The following RIPOR2 variants were observed in gnomAD, a reference collection of about 807,000 sequenced individuals.
RIPOR2 encodes rho family-interacting cell polarization regulator 2.
RIPOR2 carries 39 observed loss-of-function variants against 114.5 expected under a neutral mutation model. The ratio of observed to expected loss-of-function variants is 0.34; its 90% confidence interval spans 0.26 to 0.44. RIPOR2 has a LOEUF of 0.44. RIPOR2 is among the 20% of genes least tolerant of loss of function. The pLI is 1.00. For missense variants in RIPOR2, 1,007 were observed against 1,255.1 expected (o/e 0.80, Z 2.99); for synonymous variants, 445 against 484.4 (o/e 0.92, Z 1.07).
At chr6:24,879,525 C>T (rs1766150138) in intron 1 of RIPOR2, among the ~76,000 whole-genome samples, 1 of 152,184 alleles carries the variant, frequency 6.6e-6, no homozygotes, top group Admixed American at 6.5e-5. Context: ...ATCTTGCCAT[C>T]ATTTCCCCTA....
chr6:24,901,745 A>C (rs1768461526), intron 1 of RIPOR2, among the ~76,000 whole-genome samples: 1 of 152,174 alleles, frequency 6.6e-6, no homozygotes, highest in Non-Finnish European at 1.5e-5. Context: ...CCTCCAGAGA[A>C]ACACAGTTTT....
At chr6:25,033,335 C>T (rs1777089176) in intron 1 of RIPOR2, among the ~76,000 whole-genome samples, 1 of 152,168 alleles carries the variant, frequency 6.6e-6, no homozygotes, top group Non-Finnish European at 1.5e-5. Context: ...CCAGTTTTGC[C>T]AGTAGAAGCC....
chr6:24,922,778 T>C (rs113771442), intron 1 of RIPOR2, among the ~76,000 whole-genome samples: 3,362 of 149,464 alleles, frequency 0.022, 71 homozygotes, highest in African/African-American at 0.054. Flanking sequence ...CAAGAATTGC[T>C]TGAACCAGGG....
chr6:24,807,700 T>C (rs2113615199), intron 21 of RIPOR2, among the ~76,000 whole-genome samples: 1 of 152,254 alleles, frequency 6.6e-6, no homozygotes, highest in South Asian at 2.1e-4. Flanking sequence ...TACTGGACAG[T>C]GCGCATATAG....
At position 24,992,349 on chromosome 6, in the gene RIPOR2, A is replaced by T. The variant is rs12529610; in HGVS notation, c.76+49502T>A. Among the ~76,000 whole-genome samples the T allele has an allele frequency of 7.2e-3, 1,090 of 152,216 alleles. 36 individuals carry two copies. The highest frequency in any genetic ancestry group is 9.9e-3 in the Admixed American group (152 of 15,280). ...CCAATATGCACGAATTTGCTCCTCC[A>T]CCTGATAAACAACTTCAGCAAAGTT... On this transcript the variant is annotated intron_variant, in intron 1 of 13. Coordinates refer to the RIPOR2 transcript ENST00000510784.
chr6:25,004,727 C>T (rs951582022), intron 1 of RIPOR2, among the ~76,000 whole-genome samples: 5 of 152,104 alleles, frequency 3.3e-5, no homozygotes, highest in African/African-American at 1.2e-4. Context: ...TGGAGAGAAG[C>T]CATGCCATTT....
chr6:24,823,036 A>G (rs1183333105), intron 19 of RIPOR2, among the ~76,000 whole-genome samples: 1 of 152,252 alleles, frequency 6.6e-6, no homozygotes, highest in Non-Finnish European at 1.5e-5. Context: ...TCTGAATGCA[A>G]CAGTATAGTT....
At chr6:24,952,105 C>T (rs557315958) in intron 1 of RIPOR2, among the ~76,000 whole-genome samples, 178 of 152,246 alleles carry the variant, frequency 1.2e-3, no homozygotes, top group African/African-American at 3.9e-3. Context: ...TACTATATTG[C>T]ACTCTTTTGC....
At chr6:24,917,097 C>T (rs1458954936) in intron 1 of RIPOR2, among the ~76,000 whole-genome samples, 1 of 152,034 alleles carries the variant, frequency 6.6e-6, no homozygotes, top group African/African-American at 2.4e-5. Context: ...TCATTTTCTG[C>T]AATAATATAA....
intron 1 of RIPOR2, among the ~76,000 whole-genome samples, chr6:24,946,597 T>C (rs1772422453): frequency 6.6e-6 from 1 of 152,024 alleles, no homozygotes; most frequent in Non-Finnish European, 1.5e-5. Flanking sequence ...TAAAATAAGA[T>C]GGTTAAAGAC....
upstream of RIPOR2, among the ~76,000 whole-genome samples, chr6:24,940,939 C>A (rs995200177): frequency 1.3e-5 from 2 of 152,192 alleles, no homozygotes; most frequent in South Asian, 2.1e-4. Context: ...CAGGCGTGAG[C>A]CACTGCGCCT....
intron 9 of RIPOR2, among the ~76,000 whole-genome samples, chr6:24,851,752 A>G (rs2113784091): frequency 6.6e-6 from 1 of 152,028 alleles, no homozygotes; most frequent in Admixed American, 6.5e-5. Context: ...GGATCAGGAA[A>G]AAAAAAAAAA....
At chr6:24,967,910 T>C (rs6904226) in intron 1 of RIPOR2, among the ~76,000 whole-genome samples, 725 of 8,716 alleles carry the variant, frequency 0.083, 92 homozygotes, top group Non-Finnish European at 0.13. Context: ...GATCTCAATC[T>C]TTTTTTTTTT....
In RIPOR2 at chr6:24,875,699, C is replaced by T. The variant is rs952587291; in HGVS notation, c.180G>A (p.Arg60=). ...AACCACACAGTACTTGCCTGGATCG[C>T]CTTTCCTGGAGGCCGCTGAAACCCG... The part of the protein sequence containing the change: ...SFAGFSGLQE[R]RSRCNSFIEN... Residue 60 remains arginine, a synonymous_variant, in exon 2 of 22, where the codon AGG becomes AGA. Coordinates refer to ENST00000643898, the MANE Select transcript of RIPOR2 (RefSeq NM_001286445.3). 2 of 1,612,846 alleles carry T rather than the reference C, an allele frequency of 1.2e-6. No homozygotes were observed. Among genetic ancestry groups the T allele is most frequent in the Middle Eastern group, 1.7e-4 (1 of 5,968 alleles).
intron 1 of RIPOR2, among the ~76,000 whole-genome samples, chr6:24,990,434 T>C (rs73384137): frequency 0.031 from 4,728 of 152,314 alleles, 136 homozygotes; most frequent in African/African-American, 0.077. Flanking sequence ...ATGTGATACC[T>C]GGATGCTCAG....
At position 24,884,972 on chromosome 6, in the gene RIPOR2, T is replaced by C. The variant is rs140421002; in HGVS notation, c.62-9155A>G. Among the ~76,000 whole-genome samples the C allele has an allele frequency of 3.6e-4, 55 of 152,328 alleles. No individual in the cohort carries two copies. In the East Asian group the frequency reaches 0.01, roughly 29 times the overall value. The stretch of plus-strand genomic sequence containing the variant: ...TCAGAATCTCTGGAAAGTGATATGA[T>C]AATTTTCTTTCCGTGTTTTCTAAGA... On this transcript the variant is annotated intron_variant, in intron 1 of 21. Transcript: ENST00000643898.
intron 17 of RIPOR2, among the ~76,000 whole-genome samples, chr6:24,830,193 T>C (rs7452213): frequency 0.62 from 94,183 of 151,960 alleles, 30,108 homozygotes; most frequent in East Asian, 0.76. Context: ...CTCGAACTCC[T>C]GACCTCAGGT....
In RIPOR2 at chr6:25,017,545, C is replaced by T. The variant is rs139171372; in HGVS notation, c.76+24306G>A. Among the ~76,000 whole-genome samples, 520 of 152,310 alleles carry T rather than the reference C, an allele frequency of 3.4e-3. 2 individuals are homozygous for T. Among genetic ancestry groups the T allele is most frequent in the African/African-American group, 0.011 (477 of 41,562 alleles). On this transcript the variant is annotated intron_variant, in intron 1 of 13. Transcript: ENST00000510784. Reference sequence around the variant, plus strand: ...TTCTTTAAGACTTAATTCAGGTGTCCCCTCTTCCACAAAGTCCTTCCGGCC... The same window carrying T: ...TTCTTTAAGACTTAATTCAGGTGTCTCCTCTTCCACAAAGTCCTTCCGGCC...
intron 1 of RIPOR2, among the ~76,000 whole-genome samples, chr6:25,029,180 C>G (rs1048602722): frequency 6.6e-6 from 1 of 151,894 alleles, no homozygotes; most frequent in Non-Finnish European, 1.5e-5. Context: ...CCCAAGTACT[C>G]GGGAGGCTGA....
Sources: allele counts gnomAD v4.1 joint callset (sites outside exome capture counted in the v4.1 genomes callset), GRCh38; gene constraint gnomAD v4.1.1; transcripts MANE v1.5; gene names NCBI Gene and HGNC (gene_info 2026-07-23, HGNC 2026-07-21).